The following SAMTOR variants were observed in gnomAD, a reference collection of about 807,000 sequenced individuals.
The protein encoded by SAMTOR is S-adenosylmethionine sensor upstream of mTORC1.
At chr7:112,924,819 CTTTTT>C in the SAMTOR span, among the ~76,000 whole-genome samples, 4 of 151,318 alleles carry the variant, frequency 2.6e-5, no homozygotes, top group African/African-American at 7.3e-5. Flanking sequence ...GGCCAATGTT[CTTTTT>C]TTTTTAGCAG....
the SAMTOR span, among the ~76,000 whole-genome samples, chr7:112,841,622 C>CA: frequency 6.6e-6 from 1 of 152,056 alleles, no homozygotes; most frequent in African/African-American, 2.4e-5. Flanking sequence ...ATAGCCAAGA[C>CA]AATCCTAAAC....
the SAMTOR span, among the ~76,000 whole-genome samples, chr7:112,844,728 C>T: frequency 6.6e-6 from 1 of 152,196 alleles, no homozygotes; most frequent in African/African-American, 2.4e-5. Flanking sequence ...ACATTCTTCA[C>T]AGAACTAGAA....
At chr7:112,837,388 T>C in the SAMTOR span, among the ~76,000 whole-genome samples, 1 of 151,972 alleles carries the variant, frequency 6.6e-6, no homozygotes, top group Admixed American at 6.6e-5. Flanking sequence ...CAAACAGAGA[T>C]AGTTGGACTT....
At chr7:112,880,917 A>G in the SAMTOR span, among the ~76,000 whole-genome samples, 1,621 of 152,110 alleles carry the variant, frequency 0.011, 30 homozygotes, top group African/African-American at 0.037. Context: ...AGAGCTACAC[A>G]CTCCATGAAG....
At chr7:112,938,659 T>C in the SAMTOR span, among the ~76,000 whole-genome samples, 1 of 152,204 alleles carries the variant, frequency 6.6e-6, no homozygotes, top group Non-Finnish European at 1.5e-5. Context: ...AGGAGAAGTC[T>C]CTCTCCCAAG....
the SAMTOR span, among the ~76,000 whole-genome samples, chr7:112,916,760 G>A: frequency 2.8e-4 from 42 of 152,298 alleles, no homozygotes; most frequent in South Asian, 4.1e-4. Context: ...CTTTTCCGAC[G>A]GGCTTGGGAA....
the SAMTOR span, among the ~76,000 whole-genome samples, chr7:112,918,104 A>C: frequency 6.6e-6 from 1 of 152,210 alleles, no homozygotes; most frequent in African/African-American, 2.4e-5. Context: ...GAACGCCACA[A>C]AGATACTCCT....
the SAMTOR span, among the ~76,000 whole-genome samples, chr7:112,918,271 G>T: frequency 6.6e-6 from 1 of 152,228 alleles, no homozygotes; most frequent in Non-Finnish European, 1.5e-5. Flanking sequence ...CTACAAGCCA[G>T]AAGAGAGTGG....
the SAMTOR span, among the ~76,000 whole-genome samples, chr7:112,823,937 G>A: frequency 1.3e-5 from 2 of 152,134 alleles, no homozygotes; most frequent in Middle Eastern, 3.4e-3. Context: ...ATCTTTTCCC[G>A]GACTTATTTG....
chr7:112,896,133 C>G, the SAMTOR span, among the ~76,000 whole-genome samples: 26 of 152,118 alleles, frequency 1.7e-4, no homozygotes, highest in African/African-American at 5.8e-4. Context: ...ACAGATAACC[C>G]AACAGCTGTT....
chr7:112,922,886 TCAGCCCCCCCCCCCCGGGC>T, the SAMTOR span, among the ~76,000 whole-genome samples: 1 of 66,630 alleles, frequency 1.5e-5, no homozygotes, highest in Admixed American at 1.9e-4. Context: ...GGTGGGGGGG[TCAGCCCCCCCCCCCCGGGC>T]CAGCCGCCCC....
chr7:112,855,945 T>C, the SAMTOR span, among the ~76,000 whole-genome samples: 2 of 152,092 alleles, frequency 1.3e-5, no homozygotes, highest in Non-Finnish European at 2.9e-5. Flanking sequence ...TAGCCACTAA[T>C]AGTTTTAGAA....
At chr7:112,902,416 C>CAAAAAAAAACAAAAAAAAAAAA in the SAMTOR span, among the ~76,000 whole-genome samples, 1 of 12,320 alleles carries the variant, frequency 8.1e-5, no homozygotes, top group African/African-American at 3.1e-4. Context: ...AACTCCGTCT[C>CAAAAAAAAACAAAAAAAAAAAA]AAAAAAAAAA....
At chr7:112,919,029 A>G in the SAMTOR span, among the ~76,000 whole-genome samples, 1 of 152,290 alleles carries the variant, frequency 6.6e-6, no homozygotes, top group African/African-American at 2.4e-5. Context: ...GTCAACATTA[A>G]ACAGATCAAC....
At chr7:112,920,334 G>A in the SAMTOR span, among the ~76,000 whole-genome samples, 5 of 149,752 alleles carry the variant, frequency 3.3e-5, no homozygotes, top group African/African-American at 1.3e-4. Flanking sequence ...TATAAACAGA[G>A]CCAAAGACAA....
chr7:112,939,765 C>T, the SAMTOR span: 3 of 1,578,146 alleles, frequency 1.9e-6, no homozygotes, highest in East Asian at 2.3e-5. Flanking sequence ...CAGCCGCCGC[C>T]GCCGCCGCCG....
At chr7:112,822,986 G>A in the SAMTOR span, among the ~76,000 whole-genome samples, 2 of 152,014 alleles carry the variant, frequency 1.3e-5, no homozygotes, top group Non-Finnish European at 2.9e-5. Flanking sequence ...CAATACAACA[G>A]AGGAATGAAT....
the SAMTOR span, among the ~76,000 whole-genome samples, chr7:112,832,015 T>C: frequency 2.0e-5 from 3 of 149,376 alleles, no homozygotes; most frequent in Non-Finnish European, 3.0e-5. Flanking sequence ...GAAGTTTCTT[T>C]TTTTTTTTTT....
the SAMTOR span, among the ~76,000 whole-genome samples, chr7:112,933,528 T>G: frequency 3.3e-5 from 5 of 152,202 alleles, no homozygotes; most frequent in Non-Finnish European, 5.9e-5. Flanking sequence ...TTATCTCAAC[T>G]GATGTTTCAC....
Sources: gnomAD v4.1 joint callset for allele counts (sites outside exome capture counted in the v4.1 genomes callset) on GRCh38, gnomAD v4.1.1 for gene constraint, MANE v1.5 for transcripts, NCBI Gene and HGNC (gene_info 2026-07-23, HGNC 2026-07-21) for gene names.